The following R3HDM2 variants were observed in gnomAD, a reference collection of about 807,000 sequenced individuals.
R3HDM2 encodes the protein R3H domain-containing protein 2.
A neutral mutation model predicts 124.5 loss-of-function variants in R3HDM2; 38 were observed. That is an observed-to-expected ratio of 0.31 (90% CI 0.24 to 0.40). The LOEUF is 0.40. Among genes scored for constraint, R3HDM2 ranks in the 10% least tolerant of loss-of-function variants. R3HDM2 has a pLI of 1.00. For missense variants in R3HDM2, 869 were observed against 1,236.9 expected, an observed-to-expected ratio of 0.70 and a Z score of 4.46; for synonymous variants, 391 against 448.0, an observed-to-expected ratio of 0.87 and a Z score of 1.61.
intron 1 of R3HDM2, among the ~76,000 whole-genome samples, chr12:57,428,322 T>C (rs1470611469): frequency 3.3e-5 from 5 of 151,850 alleles, no homozygotes; most frequent in African/African-American, 4.8e-5. Flanking sequence ...GTGCCACAGA[T>C]CTAGAGCTTT....
intron 2 of R3HDM2, among the ~76,000 whole-genome samples, chr12:57,391,983 A>G (rs980798064): frequency 4.6e-5 from 7 of 152,266 alleles, no homozygotes; most frequent in African/African-American, 1.7e-4. Flanking sequence ...CCAACATGGC[A>G]AAATCCTGTC....
intron 1 of R3HDM2, among the ~76,000 whole-genome samples, chr12:57,410,930 T>C (rs1187038753): frequency 2.0e-5 from 3 of 152,184 alleles, no homozygotes; most frequent in Admixed American, 6.6e-5. Flanking sequence ...ATTTCAATTC[T>C]ACAGGAGAGC....
At position 57,254,501 on chromosome 12, in the gene R3HDM2, C is replaced by CAAAAA. The variant is rs67514723; in HGVS notation, c.*267_*271dup. 101 of 101,956 alleles carry CAAAAA rather than the reference C, an allele frequency of 9.9e-4. No individual in the cohort carries two copies. Among genetic ancestry groups the CAAAAA allele is most frequent in the South Asian group, 1.5e-3 (9 of 6,106 alleles). 6.3% of individuals were successfully genotyped at this position (101,956 alleles called of 1,614,324 possible). ...GGGTGACAAGAGCGAAACTCCGTCT[C>CAAAAA]AAAAAAAAAAAAAAAAAAAAAAAGA... On this transcript the variant is annotated 3_prime_UTR_variant, in exon 24 of 24. Transcript: ENST00000402412.
At chr12:57,412,080 T>A (rs2069056587) in intron 1 of R3HDM2, among the ~76,000 whole-genome samples, 1 of 152,222 alleles carries the variant, frequency 6.6e-6, no homozygotes, top group South Asian at 2.1e-4. Flanking sequence ...TTCGAAACTG[T>A]GAGTCAATTA....
intron 2 of R3HDM2, among the ~76,000 whole-genome samples, chr12:57,352,634 A>C (rs1218227317): frequency 6.6e-6 from 1 of 151,906 alleles, no homozygotes; most frequent in Non-Finnish European, 1.5e-5. Context: ...CTGGGACTAC[A>C]GGTGCGCGCC....
At chr12:57,276,929 T>C (rs1312407292) in intron 14 of R3HDM2, among the ~76,000 whole-genome samples, 1 of 151,262 alleles carries the variant, frequency 6.6e-6, no homozygotes, top group East Asian at 1.9e-4. Flanking sequence ...TTTGGAGACT[T>C]GAGGGGAAGA....
At chr12:57,420,262 C>T (rs1477671913) in intron 1 of R3HDM2, among the ~76,000 whole-genome samples, 1 of 152,144 alleles carries the variant, frequency 6.6e-6, no homozygotes, top group Non-Finnish European at 1.5e-5. Flanking sequence ...CCTCTAATTA[C>T]TGTCCTCTCT....
In R3HDM2 at chr12:57,395,519, A is replaced by G. The variant is rs539255660; in HGVS notation, c.-36+230T>C. On this transcript the variant is annotated intron_variant, in intron 2 of 23. Transcript: ENST00000402412. ...ACTTCATCTCAAAAAAAAAAAGGTG[A>G]TCTGCCCACCTCAGCCTCCCAAAGT... Among the ~76,000 whole-genome samples, 5 of 151,724 alleles carry G rather than the reference A, an allele frequency of 3.3e-5. No homozygotes were observed. The South Asian group carries it at 1.1e-3, about 32-fold the overall frequency.
At chr12:57,269,598 T>A in intron 15 of R3HDM2, 149 bp from the exon 16 acceptor site, 1 of 1,449,614 alleles carries the variant, frequency 6.9e-7, no homozygotes, top group Non-Finnish European at 9.3e-7. Context: ...AGGATTTATG[T>A]TATATAGAAA....
intron 14 of R3HDM2, among the ~76,000 whole-genome samples, chr12:57,271,864 G>C (rs901336109): frequency 4.6e-5 from 7 of 151,916 alleles, no homozygotes; most frequent in Non-Finnish European, 7.4e-5. Context: ...TTAAGTTTTT[G>C]CCAGTGATAC....
chr12:57,420,541 A>G (rs1204687328), intron 1 of R3HDM2, among the ~76,000 whole-genome samples: 1 of 145,918 alleles, frequency 6.9e-6, no homozygotes, highest in African/African-American at 2.5e-5. Flanking sequence ...TTTTTTTAAT[A>G]GAGATGAGGT....
At chr12:57,377,122 G>T (rs202173998) in intron 2 of R3HDM2, among the ~76,000 whole-genome samples, 1 of 131,770 alleles carries the variant, frequency 7.6e-6, no homozygotes, top group Non-Finnish European at 1.5e-5. Flanking sequence ...CTTGGTCTCA[G>T]AAAAAAAAAA....
At chr12:57,307,501 A>C (rs1402740452) in intron 3 of R3HDM2, among the ~76,000 whole-genome samples, 1 of 151,624 alleles carries the variant, frequency 6.6e-6, no homozygotes, top group African/African-American at 2.4e-5. Flanking sequence ...TTGTATTTTT[A>C]GTAGAGATGG....
chr12:57,401,340 A>T (rs2068029774), intron 1 of R3HDM2, among the ~76,000 whole-genome samples: 2 of 152,034 alleles, frequency 1.3e-5, no homozygotes, highest in Non-Finnish European at 2.9e-5. Flanking sequence ...TTGGAACCTA[A>T]CCATCATGCA....
intron 2 of R3HDM2, among the ~76,000 whole-genome samples, chr12:57,337,923 T>C: frequency 6.6e-6 from 1 of 152,252 alleles, no homozygotes; most frequent in East Asian, 1.9e-4. Context: ...GCTAAAAATT[T>C]TCATCTGTCA....
At chr12:57,342,535 C>A (rs543452710) in intron 2 of R3HDM2, among the ~76,000 whole-genome samples, 5 of 151,998 alleles carry the variant, frequency 3.3e-5, no homozygotes, top group Non-Finnish European at 7.4e-5. Context: ...AAGAGCACCC[C>A]CTCCCACCTC....
At chr12:57,345,689 T>A (rs1048628285) in intron 2 of R3HDM2, among the ~76,000 whole-genome samples, 2 of 152,078 alleles carry the variant, frequency 1.3e-5, no homozygotes, top group African/African-American at 4.8e-5. Context: ...TACAGGCATG[T>A]GCCCCCATGC....
chr12:57,375,904 C>T (rs940809030), intron 2 of R3HDM2, among the ~76,000 whole-genome samples: 4 of 152,032 alleles, frequency 2.6e-5, no homozygotes, highest in Non-Finnish European at 2.9e-5. Flanking sequence ...GATCTCCTGA[C>T]CTCGTGATCC....
chr12:57,427,108 C>T (rs564138675), intron 1 of R3HDM2, among the ~76,000 whole-genome samples: 7 of 151,990 alleles, frequency 4.6e-5, no homozygotes, highest in African/African-American at 1.4e-4. Context: ...CTGACCAACA[C>T]GGTGAAACAC....
Sources: gnomAD v4.1 joint callset for allele counts (sites outside exome capture counted in the v4.1 genomes callset) on GRCh38, gnomAD v4.1.1 for gene constraint, MANE v1.5 for transcripts, NCBI Gene and HGNC (gene_info 2026-07-23, HGNC 2026-07-21) for gene names.